The following ANKMY2 variants were observed in gnomAD, a reference collection of about 807,000 sequenced individuals.
ANKMY2 encodes ankyrin repeat and MYND domain-containing protein 2.
Under a neutral mutation model 50.4 loss-of-function variants are expected in ANKMY2, and 36 were observed. That is an observed-to-expected ratio of 0.71 (90% confidence interval 0.55 to 0.94). ANKMY2 has a LOEUF of 0.94. Among genes scored for constraint, ANKMY2 ranks in the 40% least tolerant of loss-of-function variants. The pLI is 0.00. For missense variants in ANKMY2, 565 were observed against 524.0 expected (o/e 1.08, Z -0.76); for synonymous variants, 187 against 178.8 (o/e 1.05, Z -0.36).
chr7:16,620,723 A>G (rs978432621), intron 4 of ANKMY2, among the ~76,000 whole-genome samples: 2 of 152,204 alleles, frequency 1.3e-5, no homozygotes, highest in Non-Finnish European at 2.9e-5. Context: ...TTAAATATAC[A>G]TAAGCTAAAT....
chr7:16,616,789 C>T (rs545774262), intron 4 of ANKMY2, among the ~76,000 whole-genome samples: 1 of 152,250 alleles, frequency 6.6e-6, no homozygotes, highest in Admixed American at 6.5e-5. Flanking sequence ...CCCCCGCTCC[C>T]GGAGAGTGGT....
chr7:16,635,192 T>A (rs989949605), intron 2 of ANKMY2, among the ~76,000 whole-genome samples: 1 of 152,258 alleles, frequency 6.6e-6, no homozygotes, highest in East Asian at 1.9e-4. Context: ...GAAAAAGGAA[T>A]AATATATGCT....
intron 7 of ANKMY2, among the ~76,000 whole-genome samples, chr7:16,607,357 G>A (rs542751904): frequency 6.6e-6 from 1 of 152,266 alleles, no homozygotes; most frequent in South Asian, 2.1e-4. Flanking sequence ...CTTGAGGTCA[G>A]GAGTTCAAGA....
chr7:16,616,002 T>A (rs375346014), intron 4 of ANKMY2, 98 bp from the exon 5 acceptor site: 12 of 1,144,468 alleles, frequency 1.0e-5, no homozygotes, highest in South Asian at 4.9e-5. Flanking sequence ...GATGTAAACA[T>A]GCACCAATAT....
chr7:16,615,714 A>G, intron 5 of ANKMY2, 30 bp downstream of exon 5: 1 of 1,613,170 alleles, frequency 6.2e-7, no homozygotes, highest in Non-Finnish European at 8.5e-7. Context: ...ATATTTACAT[A>G]AAAAGCAAAT....
chr7:16,625,613 A>G (rs34574064), intron 3 of ANKMY2, among the ~76,000 whole-genome samples: 26,528 of 152,194 alleles, frequency 0.17, 2,619 homozygotes, highest in Middle Eastern at 0.26. Context: ...AACTATACTC[A>G]GTGAAAAGTA....
chr7:16,603,128 C>A (rs1345631574), intron 8 of ANKMY2, among the ~76,000 whole-genome samples: 3 of 152,166 alleles, frequency 2.0e-5, no homozygotes, highest in African/African-American at 7.2e-5. Context: ...GAATATATAA[C>A]AAACAGTCTA....
intron 4 of ANKMY2, among the ~76,000 whole-genome samples, chr7:16,619,281 G>A (rs764180791): frequency 2.6e-5 from 4 of 151,890 alleles, no homozygotes; most frequent in Non-Finnish European, 5.9e-5. Flanking sequence ...AGCCTCCCGA[G>A]TAGCTGGGAT....
chr7:16,645,649 G>A lies in ANKMY2; in HGVS notation c.-76C>T. ...GAAACGATGCGTCTGTATTGGGAACGCCAGCCGCAATGAGGCAACTTGAGA... is the reference window on the plus strand; with the variant it reads ...GAAACGATGCGTCTGTATTGGGAACACCAGCCGCAATGAGGCAACTTGAGA... On this transcript the variant is annotated 5_prime_UTR_variant, in exon 1 of 10. Coordinates refer to ENST00000306999, the MANE Select transcript of ANKMY2 (RefSeq NM_020319.3). The A allele has an allele frequency of 1.3e-6, 2 of 1,498,770 alleles. No individual in the cohort carries two copies. The highest frequency in any genetic ancestry group is 9.0e-7 in the Non-Finnish European group (1 of 1,110,060). 92.8% of individuals were successfully genotyped at this position (1,498,770 alleles called of 1,614,324 possible).
At position 16,600,649 on chromosome 7, in the gene ANKMY2, G is replaced by T; in HGVS notation, c.*112C>A. Reference sequence around the variant, plus strand: ...GAAAACCTGTATTCTATGAAATGTGGAATCCTGCCATGGTGCCACGCAGGT... The same window carrying T: ...GAAAACCTGTATTCTATGAAATGTGTAATCCTGCCATGGTGCCACGCAGGT... On this transcript the variant is annotated 3_prime_UTR_variant, in exon 10 of 10. Transcript: ENST00000306999. 1 of 892,428 alleles carries T rather than the reference G, an allele frequency of 1.1e-6. No individual in the cohort carries two copies. Among genetic ancestry groups the T allele is most frequent in the Non-Finnish European group, 1.6e-6 (1 of 636,548 alleles). The allele number at this position is 892,428 out of a possible 1,614,324, so 55.3% of individuals were successfully genotyped here. A position where few individuals can be genotyped will look rare whatever the true frequency, so the allele number is the denominator to read the frequency against.
intron 1 of ANKMY2, among the ~76,000 whole-genome samples, chr7:16,640,807 G>A (rs1490395685): frequency 6.6e-6 from 1 of 152,092 alleles, no homozygotes. Context: ...CACTCTACAG[G>A]CATGAGCCAC....
intron 1 of ANKMY2, among the ~76,000 whole-genome samples, chr7:16,637,354 T>C (rs1219817198): frequency 1.3e-5 from 2 of 152,232 alleles, no homozygotes; most frequent in Non-Finnish European, 2.9e-5. Context: ...GCTAGCCTTC[T>C]AGAGTTAAAG....
rs1480040559 is a variant in ANKMY2 at position 16,615,909 on chromosome 7, T to C, written c.371-5A>G. 1.9e-6 allele frequency: 3 copies of C among 1,584,378 alleles called. No homozygotes were observed. Among genetic ancestry groups the C allele is most frequent in the South Asian group, 1.2e-5 (1 of 86,472 alleles). On this transcript the variant is annotated splice_region_variant and splice_polypyrimidine_tract_variant and intron_variant, in intron 4 of 9. Coordinates refer to ENST00000306999, the MANE Select transcript of ANKMY2 (RefSeq NM_020319.3). ...TGGTCACACAATCATGTTGACCTTTTCATAGAAAAATAGAAAAGTTGTAGT... is the reference window on the plus strand; with the variant it reads ...TGGTCACACAATCATGTTGACCTTTCCATAGAAAAATAGAAAAGTTGTAGT...
intron 5 of ANKMY2, among the ~76,000 whole-genome samples, chr7:16,612,729 C>T (rs1189720857): frequency 6.6e-6 from 1 of 151,986 alleles, no homozygotes; most frequent in Non-Finnish European, 1.5e-5. Flanking sequence ...GACAAATAAC[C>T]ACATCATTAA....
chr7:16,628,398 C>T (rs1281020887), intron 2 of ANKMY2, among the ~76,000 whole-genome samples: 3 of 151,892 alleles, frequency 2.0e-5, no homozygotes, highest in Non-Finnish European at 2.9e-5. Flanking sequence ...GAGGCAACTC[C>T]GTGGAAGCAA....
chr7:16,605,674 CTTTTTTT>C (rs11307797), intron 7 of ANKMY2, among the ~76,000 whole-genome samples: 6 of 59,628 alleles, frequency 1.0e-4, no homozygotes, highest in Non-Finnish European at 1.9e-4. Flanking sequence ...ATTTTTTGTA[CTTTTTTT>C]TTTTTTTTTT....
chr7:16,642,212 T>C (rs1246165066), intron 1 of ANKMY2, among the ~76,000 whole-genome samples: 1 of 152,140 alleles, frequency 6.6e-6, no homozygotes. Context: ...GTGAAAATTA[T>C]CTAGCTCATA....
chr7:16,644,587 T>A (rs1781792358), intron 1 of ANKMY2: 1 of 425,640 alleles, frequency 2.3e-6, no homozygotes, highest in African/African-American at 2.1e-5. Flanking sequence ...ATATTATTAT[T>A]GAGTTTAAAA....
At chr7:16,605,674 CTTTTTTTTTTTTTTTT>C (rs11307797) in intron 7 of ANKMY2, among the ~76,000 whole-genome samples, 1 of 59,608 alleles carries the variant, frequency 1.7e-5, no homozygotes, top group Non-Finnish European at 3.1e-5. Flanking sequence ...ATTTTTTGTA[CTTTTTTTTTTTTTTTT>C]TTTTTTTTTT....
Sources: allele counts gnomAD v4.1 joint callset (sites outside exome capture counted in the v4.1 genomes callset), GRCh38; gene constraint gnomAD v4.1.1; transcripts MANE v1.5; gene names NCBI Gene and HGNC (gene_info 2026-07-23, HGNC 2026-07-21).